Variants in TMIGD3 observed in about 807,000 individuals in gnomAD.
TMIGD3 encodes the protein AD026 protein (AD026).
Under a neutral mutation model 28.1 loss-of-function variants are expected in TMIGD3, and 21 were observed. That is an observed-to-expected ratio of 0.75 (90% CI 0.53 to 1.08). The LOEUF (loss-of-function observed/expected upper bound fraction) is 1.08. Among genes scored for constraint, TMIGD3 ranks in the 50% least tolerant of loss-of-function variants. The pLI, the probability that TMIGD3 is intolerant of heterozygous loss-of-function variation, is 0.00. For missense variants in TMIGD3, 416 were observed against 435.6 expected (o/e 0.96, Z 0.40); for synonymous variants, 151 against 162.1 (o/e 0.93, Z 0.52).
chr1:111,561,657 C>G (rs1657743755), intron 1 of TMIGD3, among the ~76,000 whole-genome samples: 1 of 152,202 alleles, frequency 6.6e-6, no homozygotes, highest in Non-Finnish European at 1.5e-5. Flanking sequence ...TCTCCTACTG[C>G]TCACTACTAT....
intron 1 of TMIGD3, among the ~76,000 whole-genome samples, chr1:111,550,487 G>C (rs1469829916): frequency 6.6e-6 from 1 of 151,852 alleles, no homozygotes; most frequent in Non-Finnish European, 1.5e-5. Context: ...TTCCCTCTAA[G>C]CATTCTTCCA....
intron 2 of TMIGD3, chr1:111,489,692 C>A: frequency 9.1e-7 from 1 of 1,096,280 alleles, no homozygotes; most frequent in Non-Finnish European, 1.1e-6. Flanking sequence ...GTCCCTAGCT[C>A]CCACCCTACC....
At chr1:111,520,543 A>T (rs1047224087) in intron 1 of TMIGD3, among the ~76,000 whole-genome samples, 7 of 152,218 alleles carry the variant, frequency 4.6e-5, no homozygotes, top group African/African-American at 1.7e-4. Context: ...ATTTAGTAGT[A>T]AAGGCAGAAA....
At chr1:111,521,727 T>G (rs1295169077) in intron 1 of TMIGD3, among the ~76,000 whole-genome samples, 1 of 152,222 alleles carries the variant, frequency 6.6e-6, no homozygotes, top group African/African-American at 2.4e-5. Flanking sequence ...GCCAACTTTT[T>G]ACATTCTTAA....
At chr1:111,501,707 G>C (rs943308675) in intron 1 of TMIGD3, among the ~76,000 whole-genome samples, 3 of 152,130 alleles carry the variant, frequency 2.0e-5, no homozygotes, top group Non-Finnish European at 4.4e-5. Context: ...CGTAACCACT[G>C]TGATACAGAG....
rs945660742 is a variant in TMIGD3, at chr1:111,563,905, C to T, written c.48G>A (p.Trp16Ter). The change falls in exon 1 of 6, where the codon TGG becomes TGA. Residue 16 changes from tryptophan (W) to a stop codon, truncating the protein, a stop_gained. Transcript: ENST00000369717. LOFTEE classifies it high-confidence loss of function. The stretch of plus-strand genomic sequence containing the variant: ...CTGGCTGCTCTTCCCAGGAGCTTTC[C>T]CACCTGGCCTCCTTCTGCTCAATGG... 1 of 1,613,886 alleles carries T rather than the reference C, an allele frequency of 6.2e-7. No individual in the cohort carries two copies.
At chr1:111,491,299 C>T (rs961089426) in intron 1 of TMIGD3, among the ~76,000 whole-genome samples, 4 of 152,220 alleles carry the variant, frequency 2.6e-5, no homozygotes, top group East Asian at 1.9e-4. Flanking sequence ...TGTGGGTGGC[C>T]GCAGTTTGGG....
chr1:111,544,400 A>G (rs534153779), intron 1 of TMIGD3, among the ~76,000 whole-genome samples: 106 of 152,190 alleles, frequency 7.0e-4, no homozygotes, highest in African/African-American at 1.9e-3. Context: ...CCAATCTACA[A>G]TCTGTCTCTA....
intron 1 of TMIGD3, among the ~76,000 whole-genome samples, chr1:111,563,582 A>G (rs1657832342): frequency 6.6e-6 from 1 of 152,190 alleles, no homozygotes; most frequent in Non-Finnish European, 1.5e-5. Flanking sequence ...TAGGTAGACA[A>G]GAGAATTCAT....
intron 1 of TMIGD3, chr1:111,500,433 G>A: frequency 6.2e-7 from 1 of 1,614,216 alleles, no homozygotes; most frequent in Non-Finnish European, 8.5e-7. Context: ...TGACATTTCT[G>A]TGGTACTCTG....
At chr1:111,560,033 G>C (rs967818207) in intron 1 of TMIGD3, among the ~76,000 whole-genome samples, 1 of 152,156 alleles carries the variant, frequency 6.6e-6, no homozygotes, top group South Asian at 2.1e-4. Flanking sequence ...GCTCAGAGTA[G>C]GCAATTTTTT....
At chr1:111,508,877 A>G (rs1202559700) in intron 1 of TMIGD3, among the ~76,000 whole-genome samples, 2 of 152,204 alleles carry the variant, frequency 1.3e-5, no homozygotes, top group African/African-American at 4.8e-5. Context: ...CGGGCGGATC[A>G]CGAGGTCAGG....
At chr1:111,507,347 C>T (rs1655544092), upstream of TMIGD3, among the ~76,000 whole-genome samples, 1 of 152,226 alleles carries the variant, frequency 6.6e-6, no homozygotes, top group East Asian at 1.9e-4. Flanking sequence ...AAACCATTGG[C>T]TTAAATCACA....
At chr1:111,532,620 T>C (rs1230602964) in intron 1 of TMIGD3, among the ~76,000 whole-genome samples, 2 of 152,088 alleles carry the variant, frequency 1.3e-5, no homozygotes, top group African/African-American at 4.8e-5. Flanking sequence ...AGAGATCCTG[T>C]CTCTACTTTT....
At chr1:111,529,962 CT>C (rs1656400031) in intron 1 of TMIGD3, among the ~76,000 whole-genome samples, 1 of 139,210 alleles carries the variant, frequency 7.2e-6, no homozygotes, top group Non-Finnish European at 1.6e-5. Context: ...AGAGGCGCCC[CT>C]CACCTCCCGG....
At position 111,511,601 on chromosome 1, in the gene TMIGD3, C is replaced by T. The variant is rs1018985244; in HGVS notation, c.108-20839G>A. Among the ~76,000 whole-genome samples the T allele has an allele frequency of 3.9e-5, 6 of 152,156 alleles. No homozygotes were observed. The South Asian group carries it at 8.3e-4, about 21-fold the overall frequency. ...ATGTCTAATATTTACATTACAGTTG[C>T]TATTTCAGCATTTTTACCTATAACA... is the stretch of plus-strand genomic sequence containing the variant. On this transcript the variant is annotated intron_variant, in intron 1 of 5. Coordinates refer to the TMIGD3 transcript ENST00000369717.
intron 1 of TMIGD3, among the ~76,000 whole-genome samples, chr1:111,555,844 T>C (rs181890539): frequency 1.6e-3 from 239 of 152,244 alleles, no homozygotes; most frequent in Non-Finnish European, 3.1e-3. Flanking sequence ...CTTCACAGCA[T>C]TGGATTTGGC....
At chr1:111,495,414 T>C (rs182387087) in intron 1 of TMIGD3, among the ~76,000 whole-genome samples, 318 of 152,294 alleles carry the variant, frequency 2.1e-3, no homozygotes, top group Non-Finnish European at 3.6e-3. Context: ...CAAAATGAGA[T>C]ACCATCTCAC....
At position 111,491,661 on chromosome 1, in the gene TMIGD3, C is replaced by T. The variant is rs542208193; in HGVS notation, c.351-899G>A. ...GTTTTTATCTACATCACCTCAGTTGCTCCTCATCAAAAACCTCTATGAGTT... is the reference window on the plus strand; with the variant it reads ...GTTTTTATCTACATCACCTCAGTTGTTCCTCATCAAAAACCTCTATGAGTT... On this transcript the variant is annotated intron_variant, in intron 1 of 5. Transcript: ENST00000369716. Among the ~76,000 whole-genome samples the T allele has an allele frequency of 2.0e-5, 3 of 152,190 alleles. No homozygotes were observed. The South Asian group carries it at 6.2e-4, about 32-fold the overall frequency.
Sources: allele counts gnomAD v4.1 joint callset (sites outside exome capture counted in the v4.1 genomes callset), GRCh38; gene constraint gnomAD v4.1.1; transcripts MANE v1.5; gene names NCBI Gene and HGNC (gene_info 2026-07-23, HGNC 2026-07-21).